ADCY2: variants seen among roughly 807,000 people sequenced by gnomAD.
ADCY2 encodes the protein adenylate cyclase 2.
Under a neutral mutation model 125.2 loss-of-function variants are expected in ADCY2, and 31 were observed. The observed-to-expected ratio is 0.25, with a 90% confidence interval of 0.19 to 0.33. The LOEUF is 0.33. Ranked by LOEUF, ADCY2 falls within the 10% of genes least tolerant of loss-of-function variation. The pLI, the probability that ADCY2 is intolerant of heterozygous loss-of-function variation, is 1.00. For synonymous variants in ADCY2, 512 were observed against 548.4 expected, an observed-to-expected ratio of 0.93 and a Z score of 0.93; for missense variants, 904 against 1,418.2, an observed-to-expected ratio of 0.64 and a Z score of 5.82.
intron 3 of ADCY2, among the ~76,000 whole-genome samples, chr5:7,554,518 C>T (rs1395265980): frequency 6.6e-6 from 1 of 152,058 alleles, no homozygotes. Flanking sequence ...TGTGCATTTC[C>T]ATATTGTGGT....
chr5:7,618,399 G>A (rs891111881), intron 3 of ADCY2, among the ~76,000 whole-genome samples: 1 of 152,110 alleles, frequency 6.6e-6, no homozygotes, highest in Non-Finnish European at 1.5e-5. Flanking sequence ...AAATGTGATA[G>A]CAATGCAACC....
At chr5:7,557,840 C>A (rs1237636947) in intron 3 of ADCY2, among the ~76,000 whole-genome samples, 1 of 152,110 alleles carries the variant, frequency 6.6e-6, no homozygotes, top group East Asian at 1.9e-4. Flanking sequence ...TGCATCTGTC[C>A]TCATAGTAGA....
At position 7,572,389 on chromosome 5, in the gene ADCY2, T is replaced by G. The variant is rs141912440; in HGVS notation, c.570+51490T>G. 2.3e-3 allele frequency among the ~76,000 whole-genome samples: 354 copies of G among 152,344 alleles called. 1 individual carries two copies. The highest frequency in any genetic ancestry group is 3.9e-3 in the Non-Finnish European group (267 of 68,032). On this transcript the variant is annotated intron_variant, in intron 3 of 24. Transcript: ENST00000338316. ...TTTTCATTGTGGTTTTCATTTGCAT[T>G]TTTTTAATGATCAGTGATGTTGAGC...
intron 1 of ADCY2, among the ~76,000 whole-genome samples, chr5:7,412,037 A>G (rs915686561): frequency 6.6e-6 from 1 of 151,786 alleles, no homozygotes; most frequent in Admixed American, 6.6e-5. Context: ...ATCCCGCCAC[A>G]GCACTCCAGC....
intron 2 of ADCY2, among the ~76,000 whole-genome samples, chr5:7,494,705 A>G (rs1012773902): frequency 1.3e-5 from 2 of 152,188 alleles, no homozygotes; most frequent in Admixed American, 6.5e-5. Flanking sequence ...TTAATGCCAC[A>G]GTAAGGACTT....
chr5:7,807,107 T>TG (rs1396486009), intron 22 of ADCY2, among the ~76,000 whole-genome samples: 4 of 151,956 alleles, frequency 2.6e-5, no homozygotes, highest in African/African-American at 9.7e-5. Flanking sequence ...GGCCTCGGAG[T>TG]GGGAGATCTT....
intron 3 of ADCY2, among the ~76,000 whole-genome samples, chr5:7,530,501 T>C (rs1479662433): frequency 3.9e-5 from 6 of 152,076 alleles, no homozygotes; most frequent in African/African-American, 4.8e-5. Context: ...CAGCTTGGCC[T>C]CCCAAAGGAG....
At chr5:7,508,600 A>C (rs1319674217) in intron 2 of ADCY2, among the ~76,000 whole-genome samples, 1 of 152,174 alleles carries the variant, frequency 6.6e-6, no homozygotes, top group Non-Finnish European at 1.5e-5. Flanking sequence ...CCAGTTCTGA[A>C]CTGGCAAGGT....
At chr5:7,722,144 C>G (rs1331278970) in intron 12 of ADCY2, among the ~76,000 whole-genome samples, 1 of 152,138 alleles carries the variant, frequency 6.6e-6, no homozygotes, top group Non-Finnish European at 1.5e-5. Context: ...CTGGTGGGGA[C>G]TCAGTCGTGT....
At chr5:7,676,753 A>G (rs187814383) in intron 4 of ADCY2, among the ~76,000 whole-genome samples, 57 of 152,342 alleles carry the variant, frequency 3.7e-4, no homozygotes, top group Admixed American at 6.5e-4. Context: ...AGAAGGACCA[A>G]TCCTTCTGTG....
intron 2 of ADCY2, among the ~76,000 whole-genome samples, chr5:7,456,339 C>G (rs768737999): frequency 1.3e-5 from 2 of 152,030 alleles, no homozygotes; most frequent in Non-Finnish European, 2.9e-5. Flanking sequence ...CTGTTGGATG[C>G]ACAGATTGAA....
At chr5:7,561,130 C>T (rs1213806376) in intron 3 of ADCY2, among the ~76,000 whole-genome samples, 6 of 152,300 alleles carry the variant, frequency 3.9e-5, no homozygotes, top group Middle Eastern at 3.4e-3. Flanking sequence ...CATGCTTGGG[C>T]TCCTTCTGAA....
chr5:7,424,930 A>G (rs1740333259), intron 2 of ADCY2, among the ~76,000 whole-genome samples: 1 of 152,054 alleles, frequency 6.6e-6, no homozygotes, highest in African/African-American at 2.4e-5. Context: ...CCTTGGCCTC[A>G]TTCCTCCCTG....
At chr5:7,738,166 C>T (rs958624332) in intron 14 of ADCY2, among the ~76,000 whole-genome samples, 1 of 152,040 alleles carries the variant, frequency 6.6e-6, no homozygotes, top group African/African-American at 2.4e-5. Context: ...CTCTAAAAGA[C>T]AACAGGTGAT....
chr5:7,459,853 C>A (rs112118320), intron 2 of ADCY2, among the ~76,000 whole-genome samples: 1 of 127,236 alleles, frequency 7.9e-6, no homozygotes, highest in Non-Finnish European at 1.6e-5. Context: ...GTGGCGCGAT[C>A]GCGGCTCACT....
intron 3 of ADCY2, among the ~76,000 whole-genome samples, chr5:7,543,837 C>T (rs963586621): frequency 6.6e-6 from 1 of 151,642 alleles, no homozygotes; most frequent in Non-Finnish European, 1.5e-5. Context: ...CATGGTGAAA[C>T]CCCGTCTCTA....
At chr5:7,401,214 T>G (rs1739252206) in intron 1 of ADCY2, among the ~76,000 whole-genome samples, 1 of 152,236 alleles carries the variant, frequency 6.6e-6, no homozygotes, top group Admixed American at 6.5e-5. Flanking sequence ...TAGCTGTTCC[T>G]AGGTCTTTGT....
intron 5 of ADCY2, chr5:7,691,944 G>C: frequency 1.3e-5 from 2 of 153,988 alleles, no homozygotes; most frequent in South Asian, 3.9e-4. Flanking sequence ...GAAGGGGAAG[G>C]TGTCACACAC....
chr5:7,407,055 T>G (rs1031559699), intron 1 of ADCY2, among the ~76,000 whole-genome samples: 1 of 152,160 alleles, frequency 6.6e-6, no homozygotes, highest in Non-Finnish European at 1.5e-5. Flanking sequence ...ATCCATTTGG[T>G]TTTCAACAAT....
Sources: gnomAD v4.1 joint callset for allele counts (sites outside exome capture counted in the v4.1 genomes callset) on GRCh38, gnomAD v4.1.1 for gene constraint, MANE v1.5 for transcripts, NCBI Gene and HGNC (gene_info 2026-07-23, HGNC 2026-07-21) for gene names.